The following SETD3 variants were observed in gnomAD, a reference collection of about 807,000 sequenced individuals.
SETD3 encodes the protein actin-histidine N-methyltransferase.
SETD3 carries 19 observed loss-of-function variants against 63.0 expected under a neutral mutation model. The ratio of observed to expected loss-of-function variants is 0.30; its 90% CI spans 0.21 to 0.44. The LOEUF (loss-of-function observed/expected upper bound fraction) is 0.44, where lower values mean the gene tolerates loss of function less well. Among genes scored for constraint, SETD3 ranks in the 20% least tolerant of loss-of-function variants. The probability of loss-of-function intolerance (pLI) is 1.00; values close to 1 mark genes in which losing one functional copy is unlikely to be tolerated. For synonymous variants in SETD3, 286 were observed against 264.1 expected (o/e 1.08, Z -0.80); for missense variants, 587 against 728.5 (o/e 0.81, Z 2.24).
intron 5 of SETD3, among the ~76,000 whole-genome samples, 182 bp downstream of exon 5, chr14:99,458,931 A>G (rs1894918386): frequency 6.7e-6 from 1 of 149,502 alleles, no homozygotes. Context: ...AAATAATAAT[A>G]ATAATAAATA....
chr14:99,408,540 G>A (rs1367289088), intron 8 of SETD3, among the ~76,000 whole-genome samples: 1 of 152,094 alleles, frequency 6.6e-6, no homozygotes, highest in African/African-American at 2.4e-5. Flanking sequence ...ACAGGAGGGA[G>A]GTTAGAGGAA....
intron 6 of SETD3, among the ~76,000 whole-genome samples, chr14:99,430,585 C>A (rs1277177940): frequency 6.6e-6 from 1 of 152,202 alleles, no homozygotes; most frequent in East Asian, 1.9e-4. Flanking sequence ...ATTTATTCAA[C>A]AGACATTTAT....
At chr14:99,475,940 T>G (rs1369842109) in intron 1 of SETD3, among the ~76,000 whole-genome samples, 1 of 152,230 alleles carries the variant, frequency 6.6e-6, no homozygotes, top group Admixed American at 6.5e-5. Context: ...ATTCAACAAC[T>G]GAGTTTTTGA....
chr14:99,461,197 T>C lies in SETD3; in HGVS notation c.340A>G (p.Ile114Val), dbSNP rs1895044336. 1.2e-6 allele frequency: 2 copies of C among 1,613,822 alleles called. No individual in the cohort carries two copies. The highest frequency in any genetic ancestry group is 1.1e-5 in the South Asian group (1 of 91,038). ...CCAACATTTTATAAACTCACCTTGATATCTCTTGTTGCTCTCAAACCAAAG... is the reference window on the plus strand; with the variant it reads ...CCAACATTTTATAAACTCACCTTGACATCTCTTGTTGCTCTCAAACCAAAG... ...EGFGLRATRD[I>V]KAEELFLWVP... The change falls in exon 4 of 13, where the codon ATC becomes GTC. Residue 114 changes from isoleucine (I) to valine (V), a missense_variant. Physicochemically the swap from Ile to Val is conservative, Grantham distance 29. Coordinates refer to ENST00000331768, the MANE Select transcript of SETD3 (RefSeq NM_032233.3).
chr14:99,403,724 G>A (rs965322715), intron 11 of SETD3, among the ~76,000 whole-genome samples: 1 of 152,206 alleles, frequency 6.6e-6, no homozygotes, highest in Non-Finnish European at 1.5e-5. Flanking sequence ...TGTTTGCAAT[G>A]TTATTTACTC....
intron 6 of SETD3, among the ~76,000 whole-genome samples, chr14:99,415,843 C>T (rs1892263498): frequency 6.6e-6 from 1 of 152,202 alleles, no homozygotes; most frequent in Admixed American, 6.5e-5. Context: ...AAATAACTCT[C>T]TCCACAGAGC....
intron 8 of SETD3, chr14:99,411,206 G>A (rs1281266720): frequency 6.6e-6 from 1 of 152,178 alleles, no homozygotes; most frequent in Non-Finnish European, 1.5e-5. Context: ...CCTTCTACAG[G>A]TTAGCAATGT....
intron 6 of SETD3, among the ~76,000 whole-genome samples, chr14:99,425,767 GAAGAGA>G (rs922211597): frequency 6.6e-6 from 1 of 152,170 alleles, no homozygotes; most frequent in African/African-American, 2.4e-5. Flanking sequence ...AGATGGTACA[GAAGAGA>G]ATCTCTTCTT....
intron 6 of SETD3, among the ~76,000 whole-genome samples, chr14:99,417,907 A>G (rs919537985): frequency 6.6e-6 from 1 of 152,228 alleles, no homozygotes; most frequent in African/African-American, 2.4e-5. Context: ...CTGAAGAAAA[A>G]AATATATTAG....
Position 99,413,072 on chromosome 14 carries a change from C to A in SETD3, c.735-7G>T. On this transcript the variant is annotated splice_polypyrimidine_tract_variant and splice_region_variant and intron_variant, in intron 7 of 12. Coordinates refer to ENST00000331768, the MANE Select transcript of SETD3 (RefSeq NM_032233.3). ...AACAGAAGAGACTGCCCACCTATAA[C>A]AAGATAAATGGTGACTTAAGGTTGG... 5 of 1,536,178 alleles carry A rather than the reference C, an allele frequency of 3.3e-6. No individual in the cohort carries two copies. Among genetic ancestry groups the A allele is most frequent in the Non-Finnish European group, 4.5e-6 (5 of 1,111,322 alleles).
At chr14:99,460,517 C>T (rs972388073) in intron 4 of SETD3, among the ~76,000 whole-genome samples, 2 of 152,036 alleles carry the variant, frequency 1.3e-5, no homozygotes, top group African/African-American at 2.4e-5. Context: ...TGAATGCATA[C>T]GGGCAACTAG....
intron 6 of SETD3, among the ~76,000 whole-genome samples, chr14:99,427,320 C>T (rs1044859390): frequency 1.8e-4 from 28 of 152,108 alleles, no homozygotes; most frequent in African/African-American, 5.6e-4. Flanking sequence ...ACCAAAATAA[C>T]CACATCTTTT....
intron 6 of SETD3, among the ~76,000 whole-genome samples, chr14:99,443,058 TTACA>T (rs1447007128): frequency 6.6e-6 from 1 of 152,080 alleles, no homozygotes; most frequent in Non-Finnish European, 1.5e-5. Flanking sequence ...ATAGGGAGAG[TTACA>T]TACCTGTATT....
At chr14:99,447,252 C>T (rs1315045256) in intron 6 of SETD3, among the ~76,000 whole-genome samples, 5 of 152,150 alleles carry the variant, frequency 3.3e-5, no homozygotes, top group Non-Finnish European at 2.9e-5. Flanking sequence ...GGATTAAAGG[C>T]GTGAGCCACT....
At chr14:99,465,905 G>C (rs1443847508) in intron 1 of SETD3, 92 bp from the exon 2 acceptor site, 1 of 728,108 alleles carries the variant, frequency 1.4e-6, no homozygotes, top group Non-Finnish European at 2.3e-6. Flanking sequence ...CAGTGTCTTA[G>C]TCTTCAGAGG....
At chr14:99,426,436 C>G (rs1595182539) in intron 6 of SETD3, among the ~76,000 whole-genome samples, 1 of 152,310 alleles carries the variant, frequency 6.6e-6, no homozygotes, top group East Asian at 1.9e-4. Flanking sequence ...TAGTCACAAA[C>G]AGGAAGGAAG....
chr14:99,447,237 C>G (rs764738791), intron 6 of SETD3, among the ~76,000 whole-genome samples: 1 of 152,130 alleles, frequency 6.6e-6, no homozygotes, highest in African/African-American at 2.4e-5. Flanking sequence ...CCACCCAAAG[C>G]GCTGGGATTA....
chr14:99,399,436 CTT>C (rs1891261459), intron 12 of SETD3, among the ~76,000 whole-genome samples: 1 of 127,396 alleles, frequency 7.8e-6, no homozygotes, highest in Non-Finnish European at 1.8e-5. Context: ...TCCTGTCTAT[CTT>C]GGGCACTGAT....
chr14:99,450,682 C>A (rs1894408482), intron 6 of SETD3, among the ~76,000 whole-genome samples: 1 of 152,204 alleles, frequency 6.6e-6, no homozygotes, highest in Admixed American at 6.5e-5. Flanking sequence ...GCAGTTGATA[C>A]ACATATGAGT....
Sources: gnomAD v4.1 joint callset for allele counts (sites outside exome capture counted in the v4.1 genomes callset) on GRCh38, gnomAD v4.1.1 for gene constraint, MANE v1.5 for transcripts, NCBI Gene and HGNC (gene_info 2026-07-23, HGNC 2026-07-21) for gene names.